The following DOCK4 variants were observed in gnomAD, a reference collection of about 807,000 sequenced individuals.
DOCK4 encodes the protein dedicator of cytokinesis protein 4.
A neutral mutation model predicts 268.1 loss-of-function variants in DOCK4; 97 were observed. The ratio of observed to expected loss-of-function variants is 0.36; its 90% CI spans 0.31 to 0.43. The LOEUF (loss-of-function observed/expected upper bound fraction) is 0.43, where lower values mean the gene tolerates loss of function less well. DOCK4 is among the 20% of genes least tolerant of loss of function. DOCK4 has a pLI of 1.00. For synonymous variants in DOCK4, 954 were observed against 887.2 expected, an observed-to-expected ratio of 1.08 and a Z score of -1.34; for missense variants, 2,145 against 2,455.7, an observed-to-expected ratio of 0.87 and a Z score of 2.67.
intron 27 of DOCK4, among the ~76,000 whole-genome samples, chr7:111,814,649 C>G (rs934443991): frequency 6.6e-6 from 1 of 152,172 alleles, no homozygotes; most frequent in Non-Finnish European, 1.5e-5. Flanking sequence ...AGCAAGGCTC[C>G]GGAGTGGCCA....
At chr7:112,132,456 G>C (rs1249980770) in intron 1 of DOCK4, among the ~76,000 whole-genome samples, 1 of 152,154 alleles carries the variant, frequency 6.6e-6, no homozygotes, top group African/African-American at 2.4e-5. Flanking sequence ...CACAAAGGAT[G>C]CAATGTTAAA....
chr7:112,143,911 T>C (rs914389109), intron 1 of DOCK4, among the ~76,000 whole-genome samples: 21 of 152,214 alleles, frequency 1.4e-4, no homozygotes, highest in African/African-American at 4.6e-4. Context: ...TGTAAGTTCT[T>C]GTTACATTTT....
At chr7:111,777,140 G>A (rs2133723265) in intron 36 of DOCK4, among the ~76,000 whole-genome samples, 1 of 152,240 alleles carries the variant, frequency 6.6e-6, no homozygotes, top group South Asian at 2.1e-4. Flanking sequence ...TAATTTAAAT[G>A]ACTGCATATT....
chr7:111,877,772 AAT>A (rs978853662), intron 16 of DOCK4, among the ~76,000 whole-genome samples: 3 of 152,220 alleles, frequency 2.0e-5, no homozygotes, highest in African/African-American at 7.2e-5. Flanking sequence ...AGACTTAGAA[AAT>A]ATAATTTCAT....
intron 8 of DOCK4, among the ~76,000 whole-genome samples, chr7:111,973,186 T>TATATATATATATAA (rs1554399511): frequency 5.8e-5 from 8 of 137,560 alleles, no homozygotes; most frequent in African/African-American, 2.1e-4. Flanking sequence ...TATATATATA[T>TATATATATATATAA]AATATTTTCT....
intron 1 of DOCK4, among the ~76,000 whole-genome samples, chr7:112,163,356 T>A (rs541394332): frequency 6.6e-6 from 1 of 152,248 alleles, no homozygotes; most frequent in South Asian, 2.1e-4. Context: ...GGCATCTTTG[T>A]TGCCTGCATC....
intron 39 of DOCK4, among the ~76,000 whole-genome samples, chr7:111,763,193 T>C (rs1271042889): frequency 1.3e-5 from 2 of 152,186 alleles, no homozygotes; most frequent in African/African-American, 4.8e-5. Context: ...CCTCAAGCAA[T>C]TCTCTTGCCT....
intron 8 of DOCK4, among the ~76,000 whole-genome samples, chr7:111,973,156 C>CAT (rs144045255): frequency 0.05 from 5,752 of 113,918 alleles, 163 homozygotes; most frequent in Admixed American, 0.098. Context: ...TATTCCATGG[C>CAT]ATATATATAT....
At chr7:112,193,215 A>T (rs1179179149) in intron 1 of DOCK4, among the ~76,000 whole-genome samples, 4 of 152,230 alleles carry the variant, frequency 2.6e-5, no homozygotes, top group Non-Finnish European at 5.9e-5. Flanking sequence ...GTGATGTGAC[A>T]ACTCAAGACA....
intron 1 of DOCK4, among the ~76,000 whole-genome samples, chr7:112,066,684 CATATACATATATATATATATAT>C (rs1563052027): frequency 0.19 from 8,787 of 46,058 alleles, 902 homozygotes; most frequent in Non-Finnish European, 0.21. Flanking sequence ...TACATATATA[CATATACATATATATATATATAT>C]ATATATATAT....
intron 1 of DOCK4, among the ~76,000 whole-genome samples, chr7:112,126,857 G>A (rs1345632484): frequency 6.6e-6 from 1 of 152,070 alleles, no homozygotes. Context: ...AAACCACAAT[G>A]AGATACCATC....
At chr7:112,061,680 T>C (rs1231155674) in intron 1 of DOCK4, among the ~76,000 whole-genome samples, 2 of 151,502 alleles carry the variant, frequency 1.3e-5, no homozygotes, top group East Asian at 3.9e-4. Flanking sequence ...AACTGATTCA[T>C]AGCAGCACTT....
chr7:111,904,941 T>A (rs1469550275), intron 13 of DOCK4, among the ~76,000 whole-genome samples: 2 of 152,214 alleles, frequency 1.3e-5, no homozygotes, highest in Non-Finnish European at 2.9e-5. Flanking sequence ...ATTCTTTAAC[T>A]GTCACTATCC....
intron 44 of DOCK4, among the ~76,000 whole-genome samples, chr7:111,743,799 G>A (rs550743449): frequency 6.6e-6 from 1 of 152,270 alleles, no homozygotes; most frequent in Non-Finnish European, 1.5e-5. Flanking sequence ...GGGACCTCTG[G>A]AATGTTCTTA....
At chr7:111,743,339 A>G (rs1425988199) in intron 44 of DOCK4, among the ~76,000 whole-genome samples, 2 of 152,212 alleles carry the variant, frequency 1.3e-5, no homozygotes, top group Non-Finnish European at 2.9e-5. Context: ...TTAGGTTGAA[A>G]GCTCAGGTCA....
rs571367944 is a variant in DOCK4 at position 112,172,820 on chromosome 7, T to C, written c.37+33282A>G. 2.8e-3 allele frequency among the ~76,000 whole-genome samples: 426 copies of C among 152,352 alleles called. 2 individuals are homozygous for C. Among genetic ancestry groups the C allele is most frequent in the African/African-American group, 9.8e-3 (409 of 41,586 alleles). On this transcript the variant is annotated intron_variant, in intron 1 of 52. Coordinates refer to ENST00000428084, the MANE Select transcript of DOCK4 (RefSeq NM_001363540.2). ...GTGAAGTTATAGATACATTTTGATA[T>C]TTTTTCTTTAAACTTTTTGTTATTT...
chr7:112,124,677 G>A (rs972396592), intron 1 of DOCK4, among the ~76,000 whole-genome samples: 4 of 152,156 alleles, frequency 2.6e-5, no homozygotes, highest in Admixed American at 6.5e-5. Flanking sequence ...TCATAAGGCC[G>A]TTTTAAGGAT....
chr7:111,900,002 G>C (rs557764639), intron 15 of DOCK4, among the ~76,000 whole-genome samples: 1 of 152,330 alleles, frequency 6.6e-6, no homozygotes, highest in East Asian at 1.9e-4. Flanking sequence ...GACATTATTT[G>C]ATTCTCATCT....
rs534564029 is a variant in DOCK4, at chr7:111,851,512, G to C, written c.2474-4386C>G. On this transcript the variant is annotated intron_variant, in intron 23 of 52. Transcript: ENST00000428084. ...AGAAAATCCTAGTGACTCTGAGTTA[G>C]ATACAGATTTCTTAAACAGGTACAA... Among the ~76,000 whole-genome samples the C allele has an allele frequency of 2.0e-5, 3 of 150,778 alleles. No homozygotes were observed. The East Asian group carries it at 5.9e-4, about 29-fold the overall frequency.
Sources: allele counts gnomAD v4.1 joint callset (sites outside exome capture counted in the v4.1 genomes callset), GRCh38; gene constraint gnomAD v4.1.1; transcripts MANE v1.5; gene names NCBI Gene and HGNC (gene_info 2026-07-23, HGNC 2026-07-21).